Variants in PTGER3 observed in about 807,000 individuals in gnomAD.
PTGER3 encodes prostaglandin E receptor 3.
In PTGER3, 22 loss-of-function variants were observed where a neutral mutation model predicts 34.7. The ratio of observed to expected loss-of-function variants is 0.63; its 90% CI spans 0.45 to 0.91. The LOEUF is 0.91. Ranked by LOEUF, PTGER3 falls within the 40% of genes least tolerant of loss-of-function variation. The probability of loss-of-function intolerance (pLI) is 0.00; values close to 1 mark genes in which losing one functional copy is unlikely to be tolerated. For synonymous variants in PTGER3, 241 were observed against 230.1 expected (o/e 1.05, Z -0.43); for missense variants, 468 against 519.4 (o/e 0.90, Z 0.96).
chr1:70,990,206 A>T (rs1417780828), intron 2 of PTGER3, among the ~76,000 whole-genome samples: 1 of 151,432 alleles, frequency 6.6e-6, no homozygotes, highest in Non-Finnish European at 1.5e-5. Context: ...TACAAAAAAA[A>T]ATTAGCCAGG....
chr1:70,905,673 C>T (rs1417440357), intron 4 of PTGER3, among the ~76,000 whole-genome samples: 2 of 152,136 alleles, frequency 1.3e-5, no homozygotes, highest in South Asian at 2.1e-4. Flanking sequence ...CGCCTGTACC[C>T]TCATTGTATC....
At chr1:70,944,114 T>C (rs1650007216) in intron 4 of PTGER3, among the ~76,000 whole-genome samples, 1 of 152,168 alleles carries the variant, frequency 6.6e-6, no homozygotes, top group South Asian at 2.1e-4. Context: ...ATCACTCAAG[T>C]CATTCTTCCT....
intron 2 of PTGER3, among the ~76,000 whole-genome samples, chr1:70,982,540 C>T (rs932762745): frequency 1.3e-5 from 2 of 152,166 alleles, no homozygotes; most frequent in Non-Finnish European, 2.9e-5. Context: ...CACATACATA[C>T]TCAGACATCC....
At chr1:70,931,375 C>T (rs1019886942) in intron 4 of PTGER3, among the ~76,000 whole-genome samples, 1 of 152,290 alleles carries the variant, frequency 6.6e-6, no homozygotes, top group Middle Eastern at 3.4e-3. Flanking sequence ...GTCTGGAGGA[C>T]GTCTGCCCTC....
At chr1:70,916,323 G>T (rs1296611223) in intron 4 of PTGER3, among the ~76,000 whole-genome samples, 2 of 152,026 alleles carry the variant, frequency 1.3e-5, no homozygotes, top group Non-Finnish European at 2.9e-5. Flanking sequence ...AATCAGTTGG[G>T]AGATTTCTCA....
At chr1:70,943,847 G>GGA (rs60989903) in intron 4 of PTGER3, among the ~76,000 whole-genome samples, 13,524 of 138,156 alleles carry the variant, frequency 0.098, 740 homozygotes, top group African/African-American at 0.15. Flanking sequence ...GGAGAGAGAG[G>GGA]GAGAGAGAGA....
At chr1:70,953,750 C>T in intron 3 of PTGER3, 1 of 1,526,584 alleles carries the variant, frequency 6.6e-7, no homozygotes, top group Non-Finnish European at 8.8e-7. Context: ...TTAATACTAT[C>T]TTTGCAACTT....
At chr1:70,865,616 C>A in intron 4 of PTGER3, 2 of 1,298,660 alleles carry the variant, frequency 1.5e-6, no homozygotes, top group Admixed American at 2.1e-5. Flanking sequence ...ATTTTTGGAG[C>A]ATGTTTCATT....
intron 2 of PTGER3, among the ~76,000 whole-genome samples, chr1:70,957,910 T>C (rs1651522523): frequency 6.6e-6 from 1 of 152,184 alleles, no homozygotes; most frequent in South Asian, 2.1e-4. Flanking sequence ...TTTTTAGATT[T>C]CACATGAGTG....
chr1:70,880,455 C>T (rs1004503969), intron 4 of PTGER3, among the ~76,000 whole-genome samples: 9 of 150,930 alleles, frequency 6.0e-5, no homozygotes, highest in South Asian at 2.1e-4. Flanking sequence ...TTTAGGAGGC[C>T]GAGGTGGGTG....
chr1:70,954,698 G>A (rs1212503094), intron 2 of PTGER3, among the ~76,000 whole-genome samples: 1 of 151,954 alleles, frequency 6.6e-6, no homozygotes, highest in East Asian at 1.9e-4. Context: ...TTTTCTCTGT[G>A]TGAGAAAGTA....
intron 1 of PTGER3, among the ~76,000 whole-genome samples, chr1:71,040,425 A>G (rs972527792): frequency 2.6e-5 from 4 of 151,822 alleles, no homozygotes; most frequent in Non-Finnish European, 5.9e-5. Flanking sequence ...AACATGGTGA[A>G]ATCCCGTCTC....
intron 2 of PTGER3, among the ~76,000 whole-genome samples, chr1:70,954,036 A>G (rs1651053243): frequency 6.6e-6 from 1 of 152,128 alleles, no homozygotes; most frequent in South Asian, 2.1e-4. Context: ...AGTCATAGGC[A>G]TGCTTTTCTG....
At chr1:70,897,971 A>G (rs17131485) in intron 4 of PTGER3, among the ~76,000 whole-genome samples, 7,323 of 151,994 alleles carry the variant, frequency 0.048, 564 homozygotes, top group South Asian at 0.22. Flanking sequence ...CATATCACTT[A>G]ATGTATTTGA....
At chr1:71,021,079 TA>T (rs1324292385) in intron 1 of PTGER3, among the ~76,000 whole-genome samples, 2 of 152,062 alleles carry the variant, frequency 1.3e-5, no homozygotes, top group Non-Finnish European at 1.5e-5. Flanking sequence ...AAAAAATGCT[TA>T]GGGGAATACG....
chr1:71,016,838 CA>C (rs1657951588), intron 1 of PTGER3, among the ~76,000 whole-genome samples: 1 of 151,686 alleles, frequency 6.6e-6, no homozygotes, highest in African/African-American at 2.4e-5. Context: ...AAAAACATTT[CA>C]AATGATGTTA....
chr1:70,996,609 C>A (rs562810081), intron 2 of PTGER3, among the ~76,000 whole-genome samples: 9 of 147,180 alleles, frequency 6.1e-5, no homozygotes, highest in Non-Finnish European at 1.3e-4. Flanking sequence ...TACAGGCGCC[C>A]GCCACCATGC....
intron 4 of PTGER3, among the ~76,000 whole-genome samples, chr1:70,910,086 G>T (rs1279997658): frequency 1.3e-5 from 2 of 152,206 alleles, no homozygotes; most frequent in Admixed American, 1.3e-4. Flanking sequence ...TTGCTAATAA[G>T]TGCTGACAAA....
At chr1:70,953,876 T>A (rs1373029461) in intron 2 of PTGER3, 1 of 586,626 alleles carries the variant, frequency 1.7e-6, no homozygotes, top group Non-Finnish European at 2.9e-6. Flanking sequence ...TGATGTTCAA[T>A]GAAAATAGCT....
Sources: allele counts gnomAD v4.1 joint callset (sites outside exome capture counted in the v4.1 genomes callset), GRCh38; gene constraint gnomAD v4.1.1; transcripts MANE v1.5; gene names NCBI Gene and HGNC (gene_info 2026-07-23, HGNC 2026-07-21).